NUP98: variants seen among roughly 807,000 people sequenced by gnomAD.
The protein encoded by NUP98 is nuclear pore complex protein Nup98-Nup96.
In NUP98, 26 loss-of-function variants were observed where a neutral mutation model predicts 191.9. The observed-to-expected ratio is 0.14, with a 90% CI of 0.10 to 0.19. The LOEUF is 0.19. Among genes scored for constraint, NUP98 ranks in the 10% least tolerant of loss-of-function variants. NUP98 has a pLI of 1.00. For missense variants in NUP98, 1,941 were observed against 2,178.8 expected, an observed-to-expected ratio of 0.89 and a Z score of 2.17; for synonymous variants, 808 against 778.4, an observed-to-expected ratio of 1.04 and a Z score of -0.63.
intron 12 of NUP98, among the ~76,000 whole-genome samples, chr11:3,740,328 T>A (rs375455300): frequency 6.6e-6 from 1 of 152,096 alleles, no homozygotes; most frequent in South Asian, 2.1e-4. Flanking sequence ...CTAGCCAATA[T>A]GGTGAAACCC....
chr11:3,772,032 G>C, intron 6 of NUP98, 104 bp from the exon 7 acceptor site: 2 of 940,424 alleles, frequency 2.1e-6, no homozygotes, highest in East Asian at 2.6e-5. Flanking sequence ...TGTTCACATA[G>C]GAACCATAAC....
chr11:3,683,304 A>G lies in NUP98; in HGVS notation c.4814T>C (p.Val1605Ala), dbSNP rs766459623. 2 of 1,614,024 alleles carry G rather than the reference A, an allele frequency of 1.2e-6. No homozygotes were observed. The highest frequency in any genetic ancestry group is 1.7e-6 in the Non-Finnish European group (2 of 1,180,016). Residue 1605 changes from valine (V) to alanine (A), a missense_variant, in exon 30 of 33, where the codon GTG becomes GCG. Around this residue, in one of 6 missense-constraint regions of NUP98, gnomAD observed 1,030 missense variants for 1,115.8 expected, o/e 0.92. Coordinates refer to ENST00000324932, the MANE Select transcript of NUP98 (RefSeq NM_016320.5). The stretch of plus-strand genomic sequence containing the variant: ...CTTGTCAGATTCCATGTGTGCTCGC[A>G]CAGCTTTGGCCTCGTGGATCCATTT... ...PAKWIHEAKA[V>A]RAHMESDKHL... is the part of the protein sequence containing the mutation.
At chr11:3,748,434 T>C (rs1019754449) in intron 11 of NUP98, among the ~76,000 whole-genome samples, 3 of 151,692 alleles carry the variant, frequency 2.0e-5, no homozygotes, top group Non-Finnish European at 4.4e-5. Context: ...GGCACAAGAA[T>C]TGCTTGAGCC....
At chr11:3,696,513 G>T (rs1252127918) in intron 25 of NUP98, among the ~76,000 whole-genome samples, 1 of 150,722 alleles carries the variant, frequency 6.6e-6, no homozygotes, top group East Asian at 2.0e-4. Context: ...GTGCAGGGGG[G>T]AGGGAAAAAA....
chr11:3,766,689 C>CAAGAAA (rs2081350992), intron 8 of NUP98, among the ~76,000 whole-genome samples: 1 of 58,886 alleles, frequency 1.7e-5, no homozygotes, highest in Non-Finnish European at 3.6e-5. Flanking sequence ...AACTCCGTCT[C>CAAGAAA]AAAAAAAAAA....
intron 2 of NUP98, 48 bp from the exon 3 acceptor site, chr11:3,779,305 C>T (rs371799534): frequency 6.9e-5 from 93 of 1,354,038 alleles, no homozygotes; most frequent in South Asian, 9.4e-5. Context: ...ATAAAATCTA[C>T]GTAAGATGAC....
chr11:3,754,820 G>A (rs1383065945), intron 10 of NUP98, among the ~76,000 whole-genome samples: 5 of 150,592 alleles, frequency 3.3e-5, no homozygotes, highest in Non-Finnish European at 1.5e-5. Context: ...TGCACACCCA[G>A]AATCCCAACC....
Position 3,719,358 on chromosome 11 carries a change from G to T in NUP98, c.2399+54C>A, listed in dbSNP as rs612785. 336,902 of 1,446,832 alleles carry T rather than the reference G, an allele frequency of 0.23. 41,477 individuals are homozygous for T. The highest frequency in any genetic ancestry group is 0.41 in the African/African-American group (28,455 of 68,888). The allele number at this position is 1,446,832 out of a possible 1,614,324, so 89.6% of individuals were successfully genotyped here. On this transcript the variant is annotated intron_variant, in intron 18 of 32. Transcript: ENST00000324932. ...ACATCTAAACACATTTATGTTTACA[G>T]AAAAAAAAATTGTGATTTAGCTGAT...
At chr11:3,706,192 T>C (rs1047455109) in intron 21 of NUP98, among the ~76,000 whole-genome samples, 8 of 151,874 alleles carry the variant, frequency 5.3e-5, no homozygotes, top group African/African-American at 1.4e-4. Flanking sequence ...CACAACAAAA[T>C]TGGGATTGGA....
chr11:3,730,408 G>A (rs1305577697), intron 14 of NUP98, among the ~76,000 whole-genome samples: 1 of 151,546 alleles, frequency 6.6e-6, no homozygotes, highest in Non-Finnish European at 1.5e-5. Flanking sequence ...CCAGGCTGGA[G>A]TACAGTGGTG....
chr11:3,741,205 A>T (rs2134352504), intron 12 of NUP98, among the ~76,000 whole-genome samples: 1 of 152,314 alleles, frequency 6.6e-6, no homozygotes, highest in Non-Finnish European at 1.5e-5. Context: ...AAATCCAAGG[A>T]ACAGAAGAAC....
chr11:3,767,109 C>T (rs2134566219), intron 8 of NUP98, among the ~76,000 whole-genome samples: 1 of 152,172 alleles, frequency 6.6e-6, no homozygotes, highest in East Asian at 1.9e-4. Context: ...GGATTAGTCA[C>T]CCGCCACCCA....
rs2134231170 is a variant in NUP98, at chr11:3,723,412, C to A, written c.1891G>T (p.Asp631Tyr). 6.2e-7 allele frequency: 1 copy of A among 1,614,080 alleles called. No homozygotes were observed. Among genetic ancestry groups the A allele is most frequent in the East Asian group, 2.2e-5 (1 of 44,870 alleles). Reference protein sequence around the residue: ...SKPVDENHQQDGDEDSLVSHF... With the variant: ...SKPVDENHQQYGDEDSLVSHF... ...GAAACAAGGGAATCTTCATCTCCAT[C>A]CTGCTGGTGATTCTCATCAACAGGT... The change falls in exon 16 of 33, where the codon GAT becomes TAT. Residue 631 changes from aspartate (D) to tyrosine (Y), a missense_variant. This residue lies in a region of NUP98 where 453 missense variants were observed against 438.2 expected (regional missense o/e 1.03). Transcript: ENST00000324932.
Position 3,712,904 on chromosome 11 carries a change from G to C in NUP98, c.2578-176C>G, listed in dbSNP as rs138636596. Among the ~76,000 whole-genome samples, 944 of 152,286 alleles carry C rather than the reference G, an allele frequency of 6.2e-3. 10 individuals carry two copies. The highest frequency in any genetic ancestry group is 0.02 in the African/African-American group (847 of 41,552). On this transcript the variant is annotated intron_variant, in intron 19 of 32. Coordinates refer to ENST00000324932, the MANE Select transcript of NUP98 (RefSeq NM_016320.5). ...TTTATCTAAGATTTAGAAGACGTTT[G>C]ATGTATGCTCTAGTTGCTCATACTA...
intron 11 of NUP98, among the ~76,000 whole-genome samples, chr11:3,745,241 A>C (rs1418741304): frequency 2.0e-5 from 3 of 152,250 alleles, no homozygotes; most frequent in Admixed American, 2.0e-4. Flanking sequence ...TTTCTTACAG[A>C]CAACTATAGG....
At chr11:3,780,541 CAAAAAAAA>C (rs142060672) in intron 2 of NUP98, among the ~76,000 whole-genome samples, 8 of 74,800 alleles carry the variant, frequency 1.1e-4, no homozygotes, top group African/African-American at 3.1e-4. Context: ...GACTCCATCT[CAAAAAAAA>C]AAAAAAAAAA....
chr11:3,748,137 T>A (rs1168020219), intron 11 of NUP98, among the ~76,000 whole-genome samples: 3 of 152,278 alleles, frequency 2.0e-5, no homozygotes, highest in African/African-American at 7.2e-5. Context: ...AAATAAAATG[T>A]TAGGATATTA....
intron 15 of NUP98, among the ~76,000 whole-genome samples, chr11:3,723,829 CT>C (rs34043967): frequency 4.0e-4 from 57 of 142,262 alleles, no homozygotes; most frequent in Admixed American, 5.7e-4. Context: ...CAAAGGGTTT[CT>C]TTTTTTTTTT....
At chr11:3,733,316 TTC>T (rs2079915839) in intron 13 of NUP98, among the ~76,000 whole-genome samples, 1 of 152,218 alleles carries the variant, frequency 6.6e-6, no homozygotes, top group African/African-American at 2.4e-5. Flanking sequence ...AACGTTTTCT[TTC>T]TTTTTGTTTT....
Sources: gnomAD v4.1 joint callset for allele counts (sites outside exome capture counted in the v4.1 genomes callset) on GRCh38, gnomAD v4.1.1 for gene constraint, gnomAD v4.1.1 regional missense constraint, MANE v1.5 for transcripts, NCBI Gene and HGNC (gene_info 2026-07-23, HGNC 2026-07-21) for gene names.